NPAS3: variants seen among roughly 807,000 people sequenced by gnomAD.
NPAS3 encodes the protein neuronal PAS domain-containing protein 3.
Under a neutral mutation model 73.1 loss-of-function variants are expected in NPAS3, and 14 were observed. The observed-to-expected ratio is 0.19, with a 90% CI of 0.13 to 0.30. The LOEUF (loss-of-function observed/expected upper bound fraction) is 0.30. Ranked by LOEUF, NPAS3 falls within the 10% of genes least tolerant of loss-of-function variation. The probability of loss-of-function intolerance (pLI) is 1.00; values close to 1 mark genes in which losing one functional copy is unlikely to be tolerated. For missense variants in NPAS3, 1,096 were observed against 1,250.0 expected (o/e 0.88, Z 1.86); for synonymous variants, 620 against 541.5 (o/e 1.14, Z -2.01).
chr14:33,181,256 G>T (rs2045789023), intron 2 of NPAS3, among the ~76,000 whole-genome samples: 1 of 152,160 alleles, frequency 6.6e-6, no homozygotes, highest in South Asian at 2.1e-4. Context: ...ATTTGTGGAA[G>T]GAAAAGAGGA....
chr14:32,951,038 T>C (rs1270658943), intron 1 of NPAS3, among the ~76,000 whole-genome samples: 1 of 152,152 alleles, frequency 6.6e-6, no homozygotes, highest in African/African-American at 2.4e-5. Context: ...CAATACATTA[T>C]GAATTACCAC....
At chr14:32,959,044 T>C (rs1288549550) in intron 1 of NPAS3, among the ~76,000 whole-genome samples, 1 of 152,188 alleles carries the variant, frequency 6.6e-6, no homozygotes, top group Non-Finnish European at 1.5e-5. Flanking sequence ...AAAAAAAATC[T>C]CATAAAGCTT....
At chr14:33,160,086 G>T (rs2044806481) in intron 2 of NPAS3, among the ~76,000 whole-genome samples, 1 of 151,954 alleles carries the variant, frequency 6.6e-6, no homozygotes, top group Non-Finnish European at 1.5e-5. Flanking sequence ...CAAATTTAAG[G>T]ATAACATATC....
intron 9 of NPAS3, among the ~76,000 whole-genome samples, chr14:33,793,461 G>A (rs1352010783): frequency 6.6e-6 from 1 of 152,204 alleles, no homozygotes; most frequent in Non-Finnish European, 1.5e-5. Flanking sequence ...TCAAAGACGA[G>A]GGGTAAAGCA....
chr14:33,254,077 A>T (rs896832122), intron 3 of NPAS3, among the ~76,000 whole-genome samples: 8 of 152,036 alleles, frequency 5.3e-5, no homozygotes, highest in African/African-American at 1.9e-4. Context: ...TGCTTTACTT[A>T]AACCTATCAT....
chr14:33,313,182 C>T (rs950459678), intron 3 of NPAS3, among the ~76,000 whole-genome samples: 4 of 152,070 alleles, frequency 2.6e-5, no homozygotes, highest in African/African-American at 9.7e-5. Flanking sequence ...GAATTAGTAT[C>T]TCTATGGGTT....
chr14:32,957,301 A>G (rs913726409), intron 1 of NPAS3, among the ~76,000 whole-genome samples: 4 of 151,832 alleles, frequency 2.6e-5, no homozygotes, highest in African/African-American at 9.7e-5. Context: ...CTTTTTAAAC[A>G]TTTGAATTTG....
intron 9 of NPAS3, 52 bp from the exon 10 acceptor site, chr14:33,793,845 T>C: frequency 6.5e-7 from 1 of 1,540,218 alleles, no homozygotes; most frequent in Non-Finnish European, 8.7e-7. Context: ...AAAAAAAAAG[T>C]TATTTGATCC....
intron 3 of NPAS3, among the ~76,000 whole-genome samples, chr14:33,331,182 A>G (rs1289974421): frequency 3.9e-5 from 6 of 152,236 alleles, no homozygotes. Context: ...GTACCGAGAC[A>G]TTTTTAAGGC....
intron 2 of NPAS3, among the ~76,000 whole-genome samples, chr14:33,111,164 A>T (rs949036635): frequency 2.6e-5 from 4 of 152,184 alleles, no homozygotes; most frequent in Non-Finnish European, 5.9e-5. Flanking sequence ...TGCTGGGGTG[A>T]TACTCACTGA....
At chr14:33,702,934 A>G (rs61973005) in intron 6 of NPAS3, among the ~76,000 whole-genome samples, 47,909 of 152,106 alleles carry the variant, frequency 0.31, 9,037 homozygotes, top group Non-Finnish European at 0.44. Context: ...TTTCCACTTA[A>G]GCTAGAAGAT....
chr14:33,657,191 A>G (rs1267965772), intron 5 of NPAS3, among the ~76,000 whole-genome samples: 1 of 152,188 alleles, frequency 6.6e-6, no homozygotes, highest in East Asian at 1.9e-4. Context: ...TTGATTGTGC[A>G]TCTGATGCAG....
intron 4 of NPAS3, among the ~76,000 whole-genome samples, chr14:33,483,844 C>T (rs991283917): frequency 2.6e-5 from 4 of 152,208 alleles, no homozygotes; most frequent in Non-Finnish European, 5.9e-5. Context: ...TTTTCTGGAC[C>T]TCAACAGCTT....
At chr14:33,712,984 T>A (rs2060864319) in intron 6 of NPAS3, among the ~76,000 whole-genome samples, 1 of 152,080 alleles carries the variant, frequency 6.6e-6, no homozygotes, top group Non-Finnish European at 1.5e-5. Flanking sequence ...CTGTGTGGGG[T>A]CATTTTGCCA....
At chr14:33,407,019 G>A (rs1018471506) in intron 4 of NPAS3, among the ~76,000 whole-genome samples, 1 of 152,142 alleles carries the variant, frequency 6.6e-6, no homozygotes, top group East Asian at 1.9e-4. Context: ...AGACTGAGAA[G>A]ATTAAGAATG....
chr14:33,655,597 G>A (rs140887447), intron 5 of NPAS3, among the ~76,000 whole-genome samples: 4 of 152,270 alleles, frequency 2.6e-5, no homozygotes, highest in Middle Eastern at 3.4e-3. Flanking sequence ...ACAAATGCAC[G>A]TAGCACTAGG....
intron 4 of NPAS3, among the ~76,000 whole-genome samples, chr14:33,415,091 T>C (rs1300353580): frequency 6.6e-6 from 1 of 152,132 alleles, no homozygotes; most frequent in East Asian, 1.9e-4. Context: ...TCTGCCCTTA[T>C]GTTGTTTTAA....
chr14:33,480,497 GTC>G (rs1201838828), intron 4 of NPAS3, among the ~76,000 whole-genome samples: 1 of 148,790 alleles, frequency 6.7e-6, no homozygotes, highest in Admixed American at 6.7e-5. Flanking sequence ...CTCTCCGTCT[GTC>G]TCTCTCTCTC....
At chr14:33,803,849 G>T (rs539805172), downstream of NPAS3, 1 of 151,974 alleles carries the variant, frequency 6.6e-6, no homozygotes, top group African/African-American at 2.4e-5. Flanking sequence ...TATTCTGTTC[G>T]TAAAAATCTT....
Sources: gnomAD v4.1 joint callset for allele counts (sites outside exome capture counted in the v4.1 genomes callset) on GRCh38, gnomAD v4.1.1 for gene constraint, MANE v1.5 for transcripts, NCBI Gene and HGNC (gene_info 2026-07-23, HGNC 2026-07-21) for gene names.